Variants in CHCHD3 observed in about 807,000 individuals in gnomAD.
CHCHD3 encodes the protein MICOS complex subunit MIC19.
CHCHD3 carries 20 observed loss-of-function variants against 38.2 expected under a neutral mutation model. That is an observed-to-expected ratio of 0.52 (90% confidence interval 0.37 to 0.76). The LOEUF (loss-of-function observed/expected upper bound fraction) is 0.76, where lower values mean the gene tolerates loss of function less well. CHCHD3 is among the 30% of genes least tolerant of loss of function. The pLI is 0.00. For missense variants in CHCHD3, 245 were observed against 279.2 expected, an observed-to-expected ratio of 0.88 and a Z score of 0.87; for synonymous variants, 82 against 100.0, an observed-to-expected ratio of 0.82 and a Z score of 1.07.
At chr7:133,014,092 C>A (rs547875083) in intron 3 of CHCHD3, among the ~76,000 whole-genome samples, 1 of 152,056 alleles carries the variant, frequency 6.6e-6, no homozygotes, top group Non-Finnish European at 1.5e-5. Context: ...AATCCAACAA[C>A]CCCATCAGGA....
At chr7:133,066,199 T>C (rs1280744225) in intron 2 of CHCHD3, among the ~76,000 whole-genome samples, 3 of 152,130 alleles carry the variant, frequency 2.0e-5, no homozygotes, top group Non-Finnish European at 2.9e-5. Context: ...ATGTGACTAG[T>C]GGCTACCATT....
At chr7:132,828,499 A>G (rs900787739) in intron 6 of CHCHD3, among the ~76,000 whole-genome samples, 3 of 152,190 alleles carry the variant, frequency 2.0e-5, no homozygotes, top group Non-Finnish European at 2.9e-5. Context: ...CAATTTTTGT[A>G]TTTTGTTTGC....
rs114154515 is a variant in CHCHD3, at chr7:132,796,575, C to A, written c.527G>T (p.Arg176Leu). ...AAEEVEAKFK[R>L]YESHPVCADL... ...AGCACAGACTGGATGAGACTCATAT[C>A]GCCTGAAAACAAACACAGGGACCGC... The change falls in exon 7 of 8, where the codon CGA (arginine) becomes CTA (leucine). Residue 176 changes from arginine to leucine, a missense_variant and splice_region_variant. Arg to Leu is a moderately radical substitution (Grantham distance 102). Transcript: ENST00000262570. The A allele has an allele frequency of 6.2e-7, 1 of 1,613,526 alleles. No individual in the cohort carries two copies.
At chr7:132,994,072 A>G (rs760430889) in intron 3 of CHCHD3, among the ~76,000 whole-genome samples, 19 of 152,212 alleles carry the variant, frequency 1.2e-4, no homozygotes, top group Non-Finnish European at 2.5e-4. Context: ...GGCACTGTAC[A>G]TTAGTTCCTA....
intron 4 of CHCHD3, among the ~76,000 whole-genome samples, chr7:132,919,887 C>T (rs1430316699): frequency 6.6e-6 from 1 of 152,146 alleles, no homozygotes. Context: ...GACAAAAAAT[C>T]TGATGCTAAT....
intron 6 of CHCHD3, among the ~76,000 whole-genome samples, chr7:132,806,581 G>A (rs1806926355): frequency 6.6e-6 from 1 of 152,146 alleles, no homozygotes; most frequent in African/African-American, 2.4e-5. Context: ...GGCTTAGGCA[G>A]TTAGACATGG....
intron 3 of CHCHD3, among the ~76,000 whole-genome samples, chr7:132,992,797 T>G (rs1389692280): frequency 6.6e-6 from 1 of 152,260 alleles, no homozygotes; most frequent in Non-Finnish European, 1.5e-5. Context: ...TTGTTTGTTT[T>G]TGCCTTTTCA....
At chr7:132,980,516 C>A (rs1215644233) in intron 3 of CHCHD3, among the ~76,000 whole-genome samples, 1 of 152,082 alleles carries the variant, frequency 6.6e-6, no homozygotes, top group Non-Finnish European at 1.5e-5. Flanking sequence ...GAGTTTCAAG[C>A]AAAGAAGTAG....
intron 3 of CHCHD3, among the ~76,000 whole-genome samples, chr7:132,986,549 A>C (rs189388359): frequency 6.6e-6 from 1 of 152,350 alleles, no homozygotes. Context: ...GATAGATTAA[A>C]GGCGAATTTA....
chr7:133,001,223 C>T (rs1812564433), intron 3 of CHCHD3, among the ~76,000 whole-genome samples: 1 of 152,180 alleles, frequency 6.6e-6, no homozygotes, highest in Non-Finnish European at 1.5e-5. Flanking sequence ...CCACTGACTA[C>T]CTTCATTTCA....
At chr7:132,963,248 C>A (rs1434737037) in intron 4 of CHCHD3, among the ~76,000 whole-genome samples, 1 of 146,294 alleles carries the variant, frequency 6.8e-6, no homozygotes, top group Admixed American at 6.9e-5. Flanking sequence ...GCTCTTTGTA[C>A]TATTCTTACA....
intron 4 of CHCHD3, among the ~76,000 whole-genome samples, chr7:132,965,277 A>G (rs2117314520): frequency 6.6e-6 from 1 of 152,280 alleles, no homozygotes; most frequent in Middle Eastern, 3.4e-3. Context: ...GCCCAAAATA[A>G]GATCACCTCG....
chr7:132,984,069 G>C (rs1003330571), intron 3 of CHCHD3, among the ~76,000 whole-genome samples: 3 of 142,000 alleles, frequency 2.1e-5, no homozygotes, highest in African/African-American at 8.1e-5. Context: ...CTCTCCCCAC[G>C]GTCTCCCTCT....
At chr7:133,054,743 C>T (rs1004934920) in intron 2 of CHCHD3, among the ~76,000 whole-genome samples, 2 of 152,166 alleles carry the variant, frequency 1.3e-5, no homozygotes, top group Admixed American at 1.3e-4. Flanking sequence ...TTTGCCTATA[C>T]TGGACATTTC....
In CHCHD3 at chr7:132,824,372, G is replaced by A. The variant is rs533205112; in HGVS notation, c.524+14027C>T. Among the ~76,000 whole-genome samples, 20 of 135,226 alleles carry A rather than the reference G, an allele frequency of 1.5e-4. No individual in the cohort carries two copies. In the East Asian group the frequency reaches 4.4e-3, roughly 30 times the overall value. 88.7% of individuals were successfully genotyped at this position (135,226 alleles called of 152,430 possible). ...CTCGCTCTGTCGCTCAGGCTGGAGTGCAGTGGCATGATCTCGGCTCACTGC... is the reference window on the plus strand; with the variant it reads ...CTCGCTCTGTCGCTCAGGCTGGAGTACAGTGGCATGATCTCGGCTCACTGC... On this transcript the variant is annotated intron_variant, in intron 6 of 7. Transcript: ENST00000262570.
chr7:132,930,240 C>T (rs1309092435), intron 4 of CHCHD3, among the ~76,000 whole-genome samples: 1 of 150,312 alleles, frequency 6.7e-6, no homozygotes, highest in Non-Finnish European at 1.5e-5. Flanking sequence ...AATCTCCGCT[C>T]ACTGCAACCT....
At position 132,785,259 on chromosome 7, in the gene CHCHD3, A is replaced by G. The variant is rs1585510988; in HGVS notation, c.*378T>C. On this transcript the variant is annotated 3_prime_UTR_variant, in exon 8 of 8. Transcript: ENST00000262570. ...CCCACTCCAATTAATTTAGCCCCCA[A>G]CCCCATCCTACTTTGTTAGGGTGGA... The G allele has an allele frequency of 4.8e-6, 1 of 206,978 alleles. No individual in the cohort carries two copies. Among genetic ancestry groups the G allele is most frequent in the East Asian group, 1.3e-4 (1 of 7,788 alleles). The allele number at this position is 206,978 out of a possible 1,614,324, so 12.8% of individuals were successfully genotyped here.
intron 3 of CHCHD3, chr7:133,022,474 T>C (rs1200871783): frequency 2.2e-6 from 1 of 456,594 alleles, no homozygotes; most frequent in Non-Finnish European, 4.4e-6. Context: ...ACTTTCTTAA[T>C]GCTGTTTCTG....
At chr7:133,032,307 T>C (rs1464303333) in intron 2 of CHCHD3, among the ~76,000 whole-genome samples, 1 of 152,196 alleles carries the variant, frequency 6.6e-6, no homozygotes, top group Admixed American at 6.5e-5. Flanking sequence ...ATCTGTCTAC[T>C]ACCTGGCAGG....
Sources: allele counts gnomAD v4.1 joint callset (sites outside exome capture counted in the v4.1 genomes callset), GRCh38; gene constraint gnomAD v4.1.1; transcripts MANE v1.5; gene names NCBI Gene and HGNC (gene_info 2026-07-23, HGNC 2026-07-21).